The following GRID2 variants were observed in gnomAD, a reference collection of about 807,000 sequenced individuals.
The protein encoded by GRID2 is glutamate receptor ionotropic, delta-2.
A neutral mutation model predicts 114.8 loss-of-function variants in GRID2; 33 were observed. The ratio of observed to expected loss-of-function variants is 0.29; its 90% CI spans 0.22 to 0.38. GRID2 has a LOEUF of 0.38. Ranked by LOEUF, GRID2 falls within the 10% of genes least tolerant of loss-of-function variation. GRID2 has a pLI of 1.00. For synonymous variants in GRID2, 505 were observed against 449.9 expected, an observed-to-expected ratio of 1.12 and a Z score of -1.55; for missense variants, 1,184 against 1,257.7, an observed-to-expected ratio of 0.94 and a Z score of 0.89.
At chr4:93,424,480 G>T (rs1479517207) in intron 10 of GRID2, among the ~76,000 whole-genome samples, 2 of 152,024 alleles carry the variant, frequency 1.3e-5, no homozygotes, top group East Asian at 3.9e-4. Context: ...GTTTTTTAAT[G>T]TTCATCATTT....
chr4:92,645,493 CT>C (rs1343537240), intron 2 of GRID2, among the ~76,000 whole-genome samples: 2 of 151,744 alleles, frequency 1.3e-5, no homozygotes, highest in African/African-American at 4.8e-5. Flanking sequence ...CTTAACAGTA[CT>C]TTATTCATAT....
intron 2 of GRID2, among the ~76,000 whole-genome samples, chr4:92,868,940 A>T (rs1360810270): frequency 6.6e-6 from 1 of 152,152 alleles, no homozygotes; most frequent in Non-Finnish European, 1.5e-5. Flanking sequence ...AGGGATTTCA[A>T]ATTGTTTGAT....
chr4:93,267,634 G>A (rs549578705), intron 8 of GRID2, among the ~76,000 whole-genome samples: 153 of 152,212 alleles, frequency 1.0e-3, no homozygotes, highest in African/African-American at 3.3e-3. Flanking sequence ...TTCGCCACCC[G>A]GGTCAAAACC....
chr4:93,630,008 A>G (rs914992290), intron 14 of GRID2, among the ~76,000 whole-genome samples: 1 of 152,208 alleles, frequency 6.6e-6, no homozygotes, highest in Non-Finnish European at 1.5e-5. Context: ...GTTCGGAGAC[A>G]TGGGTTATAT....
intron 14 of GRID2, among the ~76,000 whole-genome samples, chr4:93,720,021 C>T (rs1368607109): frequency 6.6e-6 from 1 of 152,170 alleles, no homozygotes; most frequent in Non-Finnish European, 1.5e-5. Context: ...AAGTCTGTTT[C>T]ATCATAGAAT....
intron 12 of GRID2, among the ~76,000 whole-genome samples, chr4:93,509,813 G>A (rs13144042): frequency 0.16 from 24,294 of 152,036 alleles, 2,604 homozygotes; most frequent in Middle Eastern, 0.3. Context: ...TCACCCTCAC[G>A]GCATATTAGT....
At chr4:93,680,807 C>T (rs985349744) in intron 14 of GRID2, among the ~76,000 whole-genome samples, 1 of 152,060 alleles carries the variant, frequency 6.6e-6, no homozygotes, top group African/African-American at 2.4e-5. Flanking sequence ...CTGTGACAAA[C>T]CCCACAGCCA....
At chr4:92,845,021 C>T (rs1231331409) in intron 2 of GRID2, among the ~76,000 whole-genome samples, 1 of 151,992 alleles carries the variant, frequency 6.6e-6, no homozygotes, top group Non-Finnish European at 1.5e-5. Flanking sequence ...ATTAAAGCAC[C>T]AATAGTTTTA....
chr4:92,306,139 A>G (rs1216208201), intron 1 of GRID2, among the ~76,000 whole-genome samples: 1 of 152,238 alleles, frequency 6.6e-6, no homozygotes, highest in Admixed American at 6.5e-5. Flanking sequence ...CACAGTGGCC[A>G]GCCCCTCCGC....
intron 1 of GRID2, among the ~76,000 whole-genome samples, chr4:92,382,299 G>A (rs1325776517): frequency 2.0e-5 from 3 of 151,938 alleles, no homozygotes; most frequent in Non-Finnish European, 2.9e-5. Flanking sequence ...CCATACAAAA[G>A]AAAGCCAGGG....
chr4:93,661,632 A>G (rs1004557220), intron 14 of GRID2, among the ~76,000 whole-genome samples: 2 of 152,222 alleles, frequency 1.3e-5, no homozygotes, highest in African/African-American at 4.8e-5. Context: ...CTGTTGATGA[A>G]AATGTAGTGA....
intron 2 of GRID2, among the ~76,000 whole-genome samples, chr4:92,841,937 A>G (rs1432994598): frequency 1.3e-5 from 2 of 152,070 alleles, no homozygotes; most frequent in African/African-American, 2.4e-5. Flanking sequence ...TGAAAGTGTA[A>G]ATAGGCAGGG....
chr4:92,871,544 A>T (rs187377728), intron 2 of GRID2, among the ~76,000 whole-genome samples: 165 of 152,270 alleles, frequency 1.1e-3, no homozygotes, highest in Non-Finnish European at 1.7e-3. Flanking sequence ...TGCCAGCTGT[A>T]CATTCAGGGT....
chr4:93,202,616 T>A (rs1367927485), intron 4 of GRID2, among the ~76,000 whole-genome samples: 5 of 152,148 alleles, frequency 3.3e-5, no homozygotes, highest in Non-Finnish European at 5.9e-5. Flanking sequence ...ATGCCACTAG[T>A]GTGATAGAGC....
intron 4 of GRID2, among the ~76,000 whole-genome samples, chr4:93,190,417 A>G (rs1740870653): frequency 6.6e-6 from 1 of 152,174 alleles, no homozygotes; most frequent in African/African-American, 2.4e-5. Flanking sequence ...TTTCAACTTC[A>G]TTCAGAAATT....
intron 11 of GRID2, among the ~76,000 whole-genome samples, chr4:93,461,727 T>A (rs1452684108): frequency 6.6e-6 from 1 of 152,140 alleles, no homozygotes; most frequent in African/African-American, 2.4e-5. Context: ...GGCTGGAACA[T>A]TAAGAGCTTG....
intron 1 of GRID2, among the ~76,000 whole-genome samples, chr4:92,549,846 G>A (rs1726486556): frequency 6.6e-6 from 1 of 152,032 alleles, no homozygotes; most frequent in African/African-American, 2.4e-5. Context: ...ATGACTATAT[G>A]TACTTGAGAA....
At chr4:92,698,727 A>G (rs1440117063) in intron 2 of GRID2, among the ~76,000 whole-genome samples, 2 of 152,028 alleles carry the variant, frequency 1.3e-5, no homozygotes, top group African/African-American at 2.4e-5. Flanking sequence ...ACAATTGCCT[A>G]TTTTAAAATG....
intron 11 of GRID2, among the ~76,000 whole-genome samples, chr4:93,480,489 A>T (rs899717870): frequency 2.0e-4 from 31 of 152,046 alleles, no homozygotes; most frequent in African/African-American, 7.5e-4. Flanking sequence ...TGTAATTAAT[A>T]GATTGTATAT....
Sources: gnomAD v4.1 joint callset for allele counts (sites outside exome capture counted in the v4.1 genomes callset) on GRCh38, gnomAD v4.1.1 for gene constraint, MANE v1.5 for transcripts, NCBI Gene and HGNC (gene_info 2026-07-23, HGNC 2026-07-21) for gene names.